Variants in SMIM20 observed in about 807,000 individuals in gnomAD.
SMIM20 encodes the protein mitochondrial translation regulation assembly intermediate of cytochrome c oxidase protein of 7 kDa.
SMIM20 carries 3 observed loss-of-function variants against 8.7 expected under a neutral mutation model. The ratio of observed to expected loss-of-function variants is 0.34; its 90% confidence interval spans 0.16 to 0.89. SMIM20 has a LOEUF of 0.89. Ranked by LOEUF, SMIM20 falls within the 40% of genes least tolerant of loss-of-function variation. The pLI, the probability that SMIM20 is intolerant of heterozygous loss-of-function variation, is 0.49. For synonymous variants in SMIM20, 44 were observed against 33.6 expected (o/e 1.31, Z -1.07); for missense variants, 85 against 84.8 (o/e 1.00, Z -0.01).
intron 1 of SMIM20, among the ~76,000 whole-genome samples, chr4:25,924,166 C>T (rs907175915): frequency 3.9e-5 from 6 of 152,196 alleles, no homozygotes; most frequent in Non-Finnish European, 7.3e-5. Context: ...ACCCCAGAGG[C>T]AGATGGTGTA....
At position 25,914,333 on chromosome 4, in the gene SMIM20, C is replaced by A. The variant is rs997205088; in HGVS notation, c.20C>A (p.Thr7Asn). The part of the protein sequence containing the change: MSRNLR[T>N]ALIFGGFISL... The stretch of plus-strand genomic sequence containing the variant: ...GACGCCATGTCCCGGAACCTGCGCA[C>A]CGCGCTCATTTTCGGCGGCTTCATC... Residue 7 changes from threonine to asparagine, a missense_variant, in exon 1 of 3, where the codon ACC becomes AAC. Transcript: ENST00000506197. The A allele has an allele frequency of 6.4e-7, 1 of 1,550,610 alleles. No individual in the cohort carries two copies. Among genetic ancestry groups the A allele is most frequent in the Admixed American group, 2.0e-5 (1 of 50,912 alleles).
At chr4:25,928,665 G>A (rs1457496408) in intron 2 of SMIM20, among the ~76,000 whole-genome samples, 1 of 152,214 alleles carries the variant, frequency 6.6e-6, no homozygotes, top group Non-Finnish European at 1.5e-5. Context: ...GTGAATAGCT[G>A]TTTGGCAGAC....
intron 1 of SMIM20, among the ~76,000 whole-genome samples, chr4:25,917,712 C>A (rs1029770444): frequency 2.6e-4 from 39 of 152,270 alleles, no homozygotes; most frequent in Admixed American, 7.2e-4. Flanking sequence ...CTCTTCCTAC[C>A]CTTGTCCTGT....
intron 1 of SMIM20, among the ~76,000 whole-genome samples, chr4:25,915,724 G>A (rs1048463447): frequency 1.1e-4 from 17 of 152,118 alleles, no homozygotes; most frequent in African/African-American, 3.9e-4. Context: ...TTGGGACAAA[G>A]GGTCTGCTTT....
At chr4:25,928,411 C>A (rs1247428054) in intron 2 of SMIM20, 42 bp downstream of exon 2, 2 of 1,539,426 alleles carry the variant, frequency 1.3e-6, no homozygotes. Flanking sequence ...CTTATTTGTA[C>A]TACTGTGTTG....
At chr4:25,916,679 C>G (rs563358479) in intron 1 of SMIM20, among the ~76,000 whole-genome samples, 1 of 152,124 alleles carries the variant, frequency 6.6e-6, no homozygotes, top group Non-Finnish European at 1.5e-5. Context: ...CCTCAGCCTC[C>G]CAAGTAGCTG....
At chr4:25,915,273 C>A (rs1719063562) in intron 1 of SMIM20, among the ~76,000 whole-genome samples, 1 of 152,126 alleles carries the variant, frequency 6.6e-6, no homozygotes, top group Non-Finnish European at 1.5e-5. Flanking sequence ...GAGACCTATA[C>A]CTCAGCAAGG....
chr4:25,925,383 C>T (rs893411708), intron 1 of SMIM20, among the ~76,000 whole-genome samples: 18 of 152,068 alleles, frequency 1.2e-4, no homozygotes, highest in Non-Finnish European at 2.9e-5. Context: ...ATTATAGGCG[C>T]CCGCCACCAT....
chr4:25,916,158 A>G (rs1277765825), intron 1 of SMIM20, among the ~76,000 whole-genome samples: 1 of 152,164 alleles, frequency 6.6e-6, no homozygotes, highest in Non-Finnish European at 1.5e-5. Context: ...GAATGTAACT[A>G]TAATATCTGC....
At position 25,929,557 on chromosome 4, in the gene SMIM20, G is replaced by A. The variant is rs1006830065; in HGVS notation, c.*366G>A. The A allele has an allele frequency of 2.2e-5, 4 of 183,902 alleles. No individual in the cohort carries two copies. Among genetic ancestry groups the A allele is most frequent in the East Asian group, 1.3e-4 (1 of 7,408 alleles). 11.4% of individuals were successfully genotyped at this position (183,902 alleles called of 1,614,324 possible). On this transcript the variant is annotated 3_prime_UTR_variant, in exon 3 of 3. Coordinates refer to ENST00000506197, the MANE Select transcript of SMIM20 (RefSeq NM_001145432.3). Reference sequence around the variant, plus strand: ...GCAACCAGTGGGCTCGGGAAGGTCCGGGTCTCTTCTGCCATCTTCCAGATA... The same window carrying A: ...GCAACCAGTGGGCTCGGGAAGGTCCAGGTCTCTTCTGCCATCTTCCAGATA...
At chr4:25,922,297 A>G (rs1442533070) in intron 1 of SMIM20, among the ~76,000 whole-genome samples, 1 of 152,164 alleles carries the variant, frequency 6.6e-6, no homozygotes, top group Non-Finnish European at 1.5e-5. Flanking sequence ...AGGTGACATG[A>G]GATCCTGAGC....
chr4:25,924,708 C>G (rs1340974768), intron 1 of SMIM20, among the ~76,000 whole-genome samples: 1 of 152,134 alleles, frequency 6.6e-6, no homozygotes, highest in Non-Finnish European at 1.5e-5. Flanking sequence ...AGGTCAAAGA[C>G]ATTGTGAGCT....
intron 1 of SMIM20, among the ~76,000 whole-genome samples, chr4:25,926,055 A>G (rs954647833): frequency 5.3e-5 from 8 of 152,228 alleles, no homozygotes; most frequent in African/African-American, 1.9e-4. Context: ...CACTCCTGAT[A>G]GAAATGTGCT....
intron 1 of SMIM20, among the ~76,000 whole-genome samples, chr4:25,920,254 T>G (rs146148250): frequency 6.6e-6 from 1 of 152,228 alleles, no homozygotes; most frequent in South Asian, 2.1e-4. Context: ...CGATAGACCA[T>G]GTATGACAGT....
chr4:25,914,397 G>A lies in SMIM20; in HGVS notation c.84G>A (p.Arg28=), dbSNP rs1284430545. 2.0e-6 allele frequency: 3 copies of A among 1,529,234 alleles called. No individual in the cohort carries two copies. The highest frequency in any genetic ancestry group is 2.1e-5 in the Admixed American group (1 of 48,552). The allele number at this position is 1,529,234 out of a possible 1,614,324, so 94.7% of individuals were successfully genotyped here. A position where few individuals can be genotyped will look rare whatever the true frequency, so the allele number is the denominator to read the frequency against. The change falls in exon 1 of 3, where the codon CGG becomes CGA. Residue 28 remains arginine (R), a synonymous_variant. Coordinates refer to ENST00000506197, the MANE Select transcript of SMIM20 (RefSeq NM_001145432.3). ...IGAAFYPIYF[R]PLMRLEEYKK... ...CCGCCTTCTATCCCATCTACTTCCG[G>A]CCCCTAATGAGATTGGAGGAGTACA...
At chr4:25,919,644 G>A (rs1162060788) in intron 1 of SMIM20, among the ~76,000 whole-genome samples, 7 of 152,186 alleles carry the variant, frequency 4.6e-5, no homozygotes, top group South Asian at 2.1e-4. Context: ...CACTGCACCC[G>A]GCCTTCTGTT....
chr4:25,918,667 C>T (rs948819642), intron 1 of SMIM20, among the ~76,000 whole-genome samples: 2 of 151,782 alleles, frequency 1.3e-5, no homozygotes, highest in Admixed American at 6.6e-5. Context: ...CCCACCACCA[C>T]GCCTGGCTAT....
chr4:25,926,725 C>A (rs1711520381), intron 1 of SMIM20, among the ~76,000 whole-genome samples: 1 of 152,372 alleles, frequency 6.6e-6, no homozygotes, highest in Non-Finnish European at 1.5e-5. Flanking sequence ...GTGTTTGGTA[C>A]ACCAGGATGT....
At chr4:25,915,751 G>C (rs1055022348) in intron 1 of SMIM20, among the ~76,000 whole-genome samples, 1 of 150,596 alleles carries the variant, frequency 6.6e-6, no homozygotes, top group African/African-American at 2.5e-5. Context: ...CATTGGAAAA[G>C]TCAGTTCTGA....
Sources: gnomAD v4.1 joint callset for allele counts (sites outside exome capture counted in the v4.1 genomes callset) on GRCh38, gnomAD v4.1.1 for gene constraint, MANE v1.5 for transcripts, NCBI Gene and HGNC (gene_info 2026-07-23, HGNC 2026-07-21) for gene names.